Variants in TENM3 observed in about 807,000 individuals in gnomAD.
The protein encoded by TENM3 is teneurin transmembrane protein 3.
Under a neutral mutation model 255.1 loss-of-function variants are expected in TENM3, and 63 were observed. That is an observed-to-expected ratio of 0.25 (90% confidence interval 0.20 to 0.30). The LOEUF (loss-of-function observed/expected upper bound fraction) is 0.30. TENM3 is among the 10% of genes least tolerant of loss of function. TENM3 has a pLI of 1.00. For synonymous variants in TENM3, 1,306 were observed against 1,322.3 expected (o/e 0.99, Z 0.27); for missense variants, 2,929 against 3,461.1 (o/e 0.85, Z 3.86).
chr4:182,306,111 A>G (rs1580098434), intron 1 of TENM3, among the ~76,000 whole-genome samples: 1 of 152,132 alleles, frequency 6.6e-6, no homozygotes, highest in Non-Finnish European at 1.5e-5. Flanking sequence ...TCATGCACCC[A>G]AGGAGAAGAA....
chr4:181,824,384 A>C, the TENM3 span, among the ~76,000 whole-genome samples: 2 of 151,998 alleles, frequency 1.3e-5, no homozygotes, highest in Non-Finnish European at 2.9e-5. Context: ...TATAGGCTTG[A>C]GTCACTGCAC....
At chr4:182,155,347 A>G (rs1750631549) in intron 1 of TENM3, among the ~76,000 whole-genome samples, 1 of 152,138 alleles carries the variant, frequency 6.6e-6, no homozygotes, top group Non-Finnish European at 1.5e-5. Context: ...GTGTCTGTGT[A>G]CTTACTCATT....
the TENM3 span, among the ~76,000 whole-genome samples, chr4:181,689,618 T>C: frequency 1.3e-5 from 2 of 152,188 alleles, no homozygotes; most frequent in African/African-American, 2.4e-5. Flanking sequence ...GGTAAAAGTA[T>C]GGCATGATCT....
the TENM3 span, among the ~76,000 whole-genome samples, chr4:182,100,798 CATATATATACACATATATATACACATAT>C: frequency 5.5e-4 from 7 of 12,738 alleles, 2 homozygotes; most frequent in African/African-American, 1.9e-3. Flanking sequence ...TATATATACA[CATATATATACACATATATATACACATAT>C]ATATATATAT....
At chr4:182,396,276 A>G (rs1413856007) in intron 3 of TENM3, among the ~76,000 whole-genome samples, 1 of 152,170 alleles carries the variant, frequency 6.6e-6, no homozygotes, top group East Asian at 1.9e-4. Flanking sequence ...CAGTTTTACT[A>G]TCATGAGGAA....
At chr4:182,328,484 A>G (rs1055008511) in intron 2 of TENM3, among the ~76,000 whole-genome samples, 112 of 152,236 alleles carry the variant, frequency 7.4e-4, no homozygotes, top group African/African-American at 2.5e-3. Context: ...CCAAAGTGCT[A>G]GGATTACAGG....
intron 3 of TENM3, among the ~76,000 whole-genome samples, chr4:182,397,270 G>A (rs563974004): frequency 1.5e-4 from 22 of 148,938 alleles, no homozygotes; most frequent in South Asian, 1.1e-3. Context: ...GTGTGGTGGC[G>A]GGTGCCTGTA....
At chr4:181,952,753 G>T in the TENM3 span, among the ~76,000 whole-genome samples, 1 of 152,230 alleles carries the variant, frequency 6.6e-6, no homozygotes, top group Non-Finnish European at 1.5e-5. Context: ...CTTAGGGAAG[G>T]GCCTCAGATT....
the TENM3 span, among the ~76,000 whole-genome samples, chr4:182,130,460 T>C: frequency 4.6e-5 from 7 of 152,194 alleles, no homozygotes; most frequent in African/African-American, 1.4e-4. Flanking sequence ...TACAAAAACA[T>C]TGTACTATGT....
At chr4:182,304,189 A>G in intron 1 of TENM3, among the ~76,000 whole-genome samples, 1 of 151,934 alleles carries the variant, frequency 6.6e-6, no homozygotes, top group East Asian at 1.9e-4. Flanking sequence ...CCCTGAAGAC[A>G]ATATTATATT....
chr4:182,589,297 T>C (rs1435359065), intron 3 of TENM3, among the ~76,000 whole-genome samples: 1 of 152,172 alleles, frequency 6.6e-6, no homozygotes, highest in Non-Finnish European at 1.5e-5. Context: ...TCCAGTTTAA[T>C]GGTACTCTCT....
intron 22 of TENM3, among the ~76,000 whole-genome samples, chr4:182,770,062 T>C (rs11722906): frequency 0.061 from 8,920 of 147,322 alleles, 351 homozygotes; most frequent in South Asian, 0.16. Flanking sequence ...GCCGAGATCA[T>C]GCCACTGCAT....
At chr4:181,646,727 T>C in the TENM3 span, among the ~76,000 whole-genome samples, 5 of 152,190 alleles carry the variant, frequency 3.3e-5, no homozygotes, top group Admixed American at 3.3e-4. Flanking sequence ...CGTCTGACTC[T>C]GGGACCCCTG....
chr4:181,885,232 T>C, the TENM3 span, among the ~76,000 whole-genome samples: 1 of 152,206 alleles, frequency 6.6e-6, no homozygotes, highest in Admixed American at 6.5e-5. Flanking sequence ...GCAAAAACTA[T>C]ACAAAAAGTT....
the TENM3 span, among the ~76,000 whole-genome samples, chr4:182,101,099 G>GAAA: frequency 3.0e-5 from 2 of 67,290 alleles, 1 homozygote; most frequent in Non-Finnish European, 6.0e-5. Context: ...AGGGAGGGAG[G>GAAA]GAGGGAGGAA....
chr4:182,364,400 G>A (rs995846267), intron 3 of TENM3, among the ~76,000 whole-genome samples: 1 of 151,440 alleles, frequency 6.6e-6, no homozygotes, highest in Non-Finnish European at 1.5e-5. Flanking sequence ...AACTTCAGTT[G>A]TTTTTTGTTT....
At chr4:182,242,188 C>T (rs926308749), upstream of TENM3, among the ~76,000 whole-genome samples, 1 of 151,992 alleles carries the variant, frequency 6.6e-6, no homozygotes, top group Non-Finnish European at 1.5e-5. Flanking sequence ...AGGTATATCT[C>T]CTAATGCTAT....
intron 5 of TENM3, among the ~76,000 whole-genome samples, chr4:182,633,259 A>G (rs1751550693): frequency 6.6e-6 from 1 of 152,116 alleles, no homozygotes. Flanking sequence ...ATGTTCTTCA[A>G]CTTACTCTGG....
chr4:181,594,181 A>G, the TENM3 span, among the ~76,000 whole-genome samples: 1 of 152,208 alleles, frequency 6.6e-6, no homozygotes, highest in Non-Finnish European at 1.5e-5. Flanking sequence ...TATGCTTTTT[A>G]CAAATGATGA....
Sources: gnomAD v4.1 joint callset for allele counts (sites outside exome capture counted in the v4.1 genomes callset) on GRCh38, gnomAD v4.1.1 for gene constraint, MANE v1.5 for transcripts, NCBI Gene and HGNC (gene_info 2026-07-23, HGNC 2026-07-21) for gene names.